PCDHGA1: variants seen among roughly 807,000 people sequenced by gnomAD.
PCDHGA1 encodes protocadherin gamma subfamily A, 1.
PCDHGA1 carries 32 observed loss-of-function variants against 58.0 expected under a neutral mutation model. That is an observed-to-expected ratio of 0.55 (90% CI 0.42 to 0.74). The LOEUF is 0.74. Ranked by LOEUF, PCDHGA1 falls within the 30% of genes least tolerant of loss-of-function variation. The pLI is 0.00. For synonymous variants in PCDHGA1, 498 were observed against 501.1 expected, an observed-to-expected ratio of 0.99 and a Z score of 0.08; for missense variants, 1,205 against 1,182.3, an observed-to-expected ratio of 1.02 and a Z score of -0.28.
intron 3 of PCDHGA1, among the ~76,000 whole-genome samples, chr5:141,507,673 G>A (rs184362608): frequency 6.6e-5 from 10 of 152,368 alleles, no homozygotes; most frequent in Admixed American, 2.6e-4. Context: ...AAATCCAGAT[G>A]TTAAAAACAG....
At chr5:141,401,976 G>A (rs1479930250) in intron 1 of PCDHGA1, among the ~76,000 whole-genome samples, 2 of 152,062 alleles carry the variant, frequency 1.3e-5, no homozygotes, top group Admixed American at 1.3e-4. Context: ...ATTGATGAAG[G>A]ATTAAAATAG....
At chr5:141,478,322 C>G (rs1360535508) in intron 1 of PCDHGA1, 28 of 1,613,976 alleles carry the variant, frequency 1.7e-5, no homozygotes, top group Non-Finnish European at 2.3e-5. Context: ...CTCACTGTAC[C>G]GAACACCAGG....
chr5:141,355,330 G>GC, intron 1 of PCDHGA1: 1 of 1,614,036 alleles, frequency 6.2e-7, no homozygotes. Context: ...AGAAGGCTCA[G>GC]TGGTGGGCAA....
intron 1 of PCDHGA1, chr5:141,414,828 G>A (rs780047810): frequency 1.4e-5 from 22 of 1,614,092 alleles, no homozygotes; most frequent in Non-Finnish European, 1.8e-5. Flanking sequence ...GCAACGTGTC[G>A]TTGAGCCTGT....
chr5:141,411,568 AG>A (rs2095500132), intron 1 of PCDHGA1: 1 of 152,232 alleles, frequency 6.6e-6, no homozygotes, highest in South Asian at 2.1e-4. Context: ...TGGGCGACAG[AG>A]TGCGACCCTG....
Position 141,485,113 on chromosome 5 carries a change from T to G in PCDHGA1, c.2422-9694T>G. On this transcript the variant is annotated intron_variant, in intron 1 of 3. Transcript: ENST00000517417. This position sits in a 1 kb window ranked among gnomAD's most constrained non-coding sequence, Gnocchi z 5.7. ...AGGTGTCTCCAGCTGCTGTGGCTGTTTGGGGCGGGTCGGCTTCATCCGCGT... is the reference window on the plus strand; with the variant it reads ...AGGTGTCTCCAGCTGCTGTGGCTGTGTGGGGCGGGTCGGCTTCATCCGCGT... 1 of 1,286,014 alleles carries G rather than the reference T, an allele frequency of 7.8e-7. No individual in the cohort carries two copies. Among genetic ancestry groups the G allele is most frequent in the Non-Finnish European group, 1.1e-6 (1 of 898,642 alleles). 79.7% of individuals were successfully genotyped at this position (1,286,014 alleles called of 1,614,324 possible). A position where few individuals can be genotyped will look rare whatever the true frequency, so the allele number is the denominator to read the frequency against.
intron 1 of PCDHGA1, chr5:141,385,245 G>A: frequency 6.2e-7 from 1 of 1,613,932 alleles, no homozygotes; most frequent in Non-Finnish European, 8.5e-7. Context: ...TCATCAGCCA[G>A]GAGAGCTGTG....
chr5:141,416,478 C>T (rs1186938693), intron 1 of PCDHGA1: 4 of 151,994 alleles, frequency 2.6e-5, no homozygotes, highest in Non-Finnish European at 4.4e-5. Context: ...TACATGTTCC[C>T]GAGAACAGGA....
chr5:141,366,281 C>A, intron 1 of PCDHGA1: 1 of 1,613,726 alleles, frequency 6.2e-7, no homozygotes, highest in Non-Finnish European at 8.5e-7. Flanking sequence ...AGACCATGGC[C>A]AGCCCCCTCT....
intron 1 of PCDHGA1, chr5:141,352,148 G>T (rs777837262): frequency 5.0e-6 from 8 of 1,612,336 alleles, no homozygotes; most frequent in African/African-American, 1.3e-5. Context: ...TGCCTTGGGC[G>T]ACAGGGACGC....
intron 1 of PCDHGA1, chr5:141,338,900 C>T: frequency 6.7e-7 from 1 of 1,489,242 alleles, no homozygotes; most frequent in Non-Finnish European, 8.9e-7. Context: ...TATCTCACAC[C>T]CTGAGGAATA....
chr5:141,475,384 A>T (rs2099362853), intron 1 of PCDHGA1, among the ~76,000 whole-genome samples: 1 of 152,370 alleles, frequency 6.6e-6, no homozygotes, highest in East Asian at 1.9e-4. Flanking sequence ...TTTAAATTTT[A>T]TAAGCCAGAG....
At chr5:141,418,348 T>C in intron 1 of PCDHGA1, 4 of 1,613,982 alleles carry the variant, frequency 2.5e-6, no homozygotes, top group Non-Finnish European at 3.4e-6. Context: ...CTGATATTAG[T>C]ATGAATTCGC....
intron 1 of PCDHGA1, chr5:141,366,667 C>G (rs267600454): frequency 2.9e-5 from 47 of 1,614,054 alleles, no homozygotes; most frequent in Middle Eastern, 1.6e-4. Context: ...CAGACACGCT[C>G]CTTAGTGAAG....
At chr5:141,409,402 C>G (rs2095262140) in intron 1 of PCDHGA1, 2 of 1,613,924 alleles carry the variant, frequency 1.2e-6, no homozygotes, top group Non-Finnish European at 8.5e-7. Context: ...CTTCCAATAA[C>G]TACTACAAAC....
chr5:141,373,098 C>T (rs1402463048), intron 1 of PCDHGA1, among the ~76,000 whole-genome samples: 2 of 152,208 alleles, frequency 1.3e-5, no homozygotes, highest in Non-Finnish European at 2.9e-5. Flanking sequence ...CTGTCATTTT[C>T]AGACATATCT....
intron 1 of PCDHGA1, among the ~76,000 whole-genome samples, chr5:141,450,006 CTTTTT>C (rs1554136305): frequency 1.5e-5 from 2 of 132,980 alleles, no homozygotes; most frequent in African/African-American, 2.8e-5. Flanking sequence ...TGCCATGTCT[CTTTTT>C]TTTTTTTTTT....
chr5:141,350,056 G>A, intron 1 of PCDHGA1: 1 of 406,514 alleles, frequency 2.5e-6, no homozygotes, highest in Non-Finnish European at 4.3e-6. Context: ...TCGACCAAAA[G>A]GAAGTGAAGG....
chr5:141,340,059 G>T, intron 1 of PCDHGA1: 3 of 1,614,130 alleles, frequency 1.9e-6, no homozygotes, highest in Non-Finnish European at 2.5e-6. Context: ...TCTCTTCCAG[G>T]AACCATAATT....
Sources: allele counts gnomAD v4.1 joint callset (sites outside exome capture counted in the v4.1 genomes callset), GRCh38; gene constraint gnomAD v4.1.1; non-coding constraint Gnocchi (gnomAD v3.1); transcripts MANE v1.5; gene names NCBI Gene and HGNC (gene_info 2026-07-23, HGNC 2026-07-21).